The following CALN1 variants were observed in gnomAD, a reference collection of about 807,000 sequenced individuals.
CALN1 encodes the protein calcium-binding protein 8.
A neutral mutation model predicts 30.6 loss-of-function variants in CALN1; 17 were observed. That is an observed-to-expected ratio of 0.56 (90% CI 0.38 to 0.83). The LOEUF (loss-of-function observed/expected upper bound fraction) is 0.83, where lower values mean the gene tolerates loss of function less well. Among genes scored for constraint, CALN1 ranks in the 40% least tolerant of loss-of-function variants. The probability of loss-of-function intolerance (pLI) is 0.00; values close to 1 mark genes in which losing one functional copy is unlikely to be tolerated. For missense variants in CALN1, 291 were observed against 354.9 expected (o/e 0.82, Z 1.45); for synonymous variants, 156 against 131.4 (o/e 1.19, Z -1.28).
chr7:71,984,665 C>T (rs1234153429), intron 5 of CALN1, among the ~76,000 whole-genome samples: 3 of 152,022 alleles, frequency 2.0e-5, no homozygotes, highest in African/African-American at 7.2e-5. Context: ...GGGCTGGTAC[C>T]CTTCTGGAGA....
At chr7:72,178,426 C>T (rs1789523958) in intron 3 of CALN1, among the ~76,000 whole-genome samples, 1 of 152,140 alleles carries the variant, frequency 6.6e-6, no homozygotes, top group African/African-American at 2.4e-5. Flanking sequence ...GGAGCGGTGG[C>T]TCATGTCTGT....
intron 4 of CALN1, among the ~76,000 whole-genome samples, chr7:72,057,904 C>G (rs571684047): frequency 6.6e-5 from 10 of 152,248 alleles, no homozygotes; most frequent in South Asian, 4.1e-4. Context: ...TGAAAGCGTT[C>G]TTGAGGGGTA....
At chr7:71,931,578 T>C (rs1795554733) in intron 5 of CALN1, among the ~76,000 whole-genome samples, 1 of 152,080 alleles carries the variant, frequency 6.6e-6, no homozygotes, top group Non-Finnish European at 1.5e-5. Flanking sequence ...AAAACCATGG[T>C]TTTCTTGGGC....
intron 5 of CALN1, among the ~76,000 whole-genome samples, chr7:71,936,909 T>C (rs950748856): frequency 2.0e-5 from 3 of 152,094 alleles, no homozygotes; most frequent in Admixed American, 1.3e-4. Flanking sequence ...GTTTCTGCTT[T>C]TGTATCTCCC....
chr7:71,821,254 G>A (rs1788569046), intron 5 of CALN1, among the ~76,000 whole-genome samples: 1 of 152,142 alleles, frequency 6.6e-6, no homozygotes, highest in Admixed American at 6.6e-5. Flanking sequence ...GAACAAGTGG[G>A]TGGCCCTCGT....
intron 3 of CALN1, among the ~76,000 whole-genome samples, chr7:72,254,701 C>G (rs1021102012): frequency 1.3e-5 from 2 of 152,056 alleles, no homozygotes; most frequent in Non-Finnish European, 2.9e-5. Flanking sequence ...ACATGCAGCA[C>G]AAGTCAACCT....
intron 5 of CALN1, among the ~76,000 whole-genome samples, chr7:71,930,558 A>G (rs1795499309): frequency 6.6e-6 from 1 of 152,196 alleles, no homozygotes; most frequent in Non-Finnish European, 1.5e-5. Context: ...AATTTTTAAT[A>G]CACTTTTTAA....
intron 2 of CALN1, among the ~76,000 whole-genome samples, chr7:72,282,194 G>A (rs950158737): frequency 8.5e-5 from 13 of 152,204 alleles, no homozygotes; most frequent in Admixed American, 6.5e-4. Context: ...GCTAAGGGAA[G>A]AGAAATACAC....
Position 72,054,213 on chromosome 7 carries a change from T to A in CALN1, c.389-30444A>T, listed in dbSNP as rs564280656. On this transcript the variant is annotated intron_variant, in intron 4 of 6. Coordinates refer to ENST00000395275, the MANE Select transcript of CALN1 (RefSeq NM_031468.4). Reference sequence around the variant, plus strand: ...GTTCTACATTTAGTTCTTTAAGGAATCTCCACACTGTTTTCCGTAGCGGCT... The same window carrying A: ...GTTCTACATTTAGTTCTTTAAGGAAACTCCACACTGTTTTCCGTAGCGGCT... Among the ~76,000 whole-genome samples the A allele has an allele frequency of 1.6e-4, 24 of 152,080 alleles. No homozygotes were observed. The South Asian group carries it at 5.0e-3, about 32-fold the overall frequency.
At chr7:72,228,454 G>A (rs1029644708) in intron 3 of CALN1, among the ~76,000 whole-genome samples, 9 of 151,846 alleles carry the variant, frequency 5.9e-5, no homozygotes, top group African/African-American at 2.2e-4. Context: ...AGCTCCGTAA[G>A]ATTATGAAAA....
intron 5 of CALN1, among the ~76,000 whole-genome samples, chr7:71,810,997 C>A (rs535131798): frequency 6.6e-6 from 1 of 151,030 alleles, no homozygotes; most frequent in African/African-American, 2.4e-5. Context: ...CGAGTTCAAG[C>A]GATTCTCCTG....
intron 3 of CALN1, among the ~76,000 whole-genome samples, chr7:72,198,471 G>A (rs923766726): frequency 7.2e-5 from 11 of 152,204 alleles, no homozygotes; most frequent in African/African-American, 2.6e-4. Flanking sequence ...AATTTTTCAA[G>A]TAAGGATCAC....
chr7:72,136,650 T>G (rs1563087996), intron 3 of CALN1, among the ~76,000 whole-genome samples: 1 of 152,248 alleles, frequency 6.6e-6, no homozygotes, highest in Non-Finnish European at 1.5e-5. Context: ...TCTCAGCTTT[T>G]GTCATGCCTT....
chr7:72,242,433 G>C (rs959934747), intron 3 of CALN1, among the ~76,000 whole-genome samples: 5 of 152,100 alleles, frequency 3.3e-5, no homozygotes, highest in Non-Finnish European at 7.4e-5. Flanking sequence ...GGGAGTAAGA[G>C]AGAACAACTC....
intron 5 of CALN1, among the ~76,000 whole-genome samples, chr7:71,826,959 T>C (rs1308103214): frequency 6.6e-6 from 1 of 152,148 alleles, no homozygotes; most frequent in African/African-American, 2.4e-5. Context: ...CCTGAACACA[T>C]GTCAACATCA....
At chr7:72,081,404 A>AGG (rs1419853018) in intron 4 of CALN1, among the ~76,000 whole-genome samples, 1,143 of 28,608 alleles carry the variant, frequency 0.04, 4 homozygotes, top group East Asian at 0.17. Context: ...GCAAAATCAT[A>AGG]GGGTGTGTGT....
At chr7:72,385,876 T>G (rs1037807337) in intron 2 of CALN1, among the ~76,000 whole-genome samples, 5 of 152,236 alleles carry the variant, frequency 3.3e-5, no homozygotes, top group Admixed American at 3.3e-4. Flanking sequence ...CATGCAAAAC[T>G]GTGAGTCAAT....
At chr7:72,396,264 A>AAG (rs1805944267) in intron 2 of CALN1, among the ~76,000 whole-genome samples, 1 of 146,168 alleles carries the variant, frequency 6.8e-6, no homozygotes, top group Non-Finnish European at 1.5e-5. Flanking sequence ...AAAAGAAAGA[A>AAG]AAAGAAAAAT....
At chr7:72,367,853 G>A (rs574550941) in intron 2 of CALN1, among the ~76,000 whole-genome samples, 2 of 151,720 alleles carry the variant, frequency 1.3e-5, no homozygotes, top group Non-Finnish European at 2.9e-5. Flanking sequence ...ATATATATAG[G>A]CCGGGTCCAG....
Sources: gnomAD v4.1 joint callset for allele counts (sites outside exome capture counted in the v4.1 genomes callset) on GRCh38, gnomAD v4.1.1 for gene constraint, MANE v1.5 for transcripts, NCBI Gene and HGNC (gene_info 2026-07-23, HGNC 2026-07-21) for gene names.